COBL: variants seen among roughly 807,000 people sequenced by gnomAD.
The protein encoded by COBL is cordon-bleu WH2 repeat protein, also known as protein cordon-bleu.
COBL carries 51 observed loss-of-function variants against 98.8 expected under a neutral mutation model. The observed-to-expected ratio is 0.52, with a 90% CI of 0.41 to 0.65. The LOEUF is 0.65. COBL is among the 30% of genes least tolerant of loss of function. COBL has a pLI of 0.00. For synonymous variants in COBL, 634 were observed against 651.7 expected (o/e 0.97, Z 0.41); for missense variants, 1,617 against 1,617.5 (o/e 1.00, Z 0.01).
chr7:51,124,341 T>C (rs951589530), intron 6 of COBL, among the ~76,000 whole-genome samples: 2 of 151,926 alleles, frequency 1.3e-5, no homozygotes, highest in African/African-American at 4.8e-5. Flanking sequence ...CAATTGGAGA[T>C]TAGCAATCTC....
At chr7:51,200,239 C>T (rs1790990012) in intron 2 of COBL, among the ~76,000 whole-genome samples, 2 of 152,130 alleles carry the variant, frequency 1.3e-5, no homozygotes, top group Non-Finnish European at 2.9e-5. Context: ...CACCACTAGA[C>T]CTGCTAAAGT....
intron 2 of COBL, among the ~76,000 whole-genome samples, chr7:51,209,856 AC>A (rs1168493445): frequency 6.6e-6 from 1 of 152,162 alleles, no homozygotes; most frequent in African/African-American, 2.4e-5. Flanking sequence ...CAGTTGTCAA[AC>A]ACAAAAATTA....
chr7:51,091,742 T>C (rs1338349514), intron 6 of COBL, among the ~76,000 whole-genome samples: 1 of 152,132 alleles, frequency 6.6e-6, no homozygotes, highest in Non-Finnish European at 1.5e-5. Flanking sequence ...AAGCTATCAA[T>C]AGTCAAAGAC....
intron 2 of COBL, among the ~76,000 whole-genome samples, chr7:51,194,468 A>G (rs952003759): frequency 6.6e-6 from 1 of 152,186 alleles, no homozygotes; most frequent in African/African-American, 2.4e-5. Context: ...TCCTTTGGGT[A>G]TACACCCAGT....
chr7:51,085,863 G>C (rs557071800), intron 6 of COBL, among the ~76,000 whole-genome samples: 1 of 152,122 alleles, frequency 6.6e-6, no homozygotes, highest in Non-Finnish European at 1.5e-5. Context: ...ATCCAGAATC[G>C]CAATGAAGTT....
intron 1 of COBL, among the ~76,000 whole-genome samples, chr7:51,228,402 T>TA (rs5884197): frequency 0.41 from 61,013 of 148,404 alleles, 13,289 homozygotes; most frequent in Non-Finnish European, 0.5. Flanking sequence ...TCTTTTGGAT[T>TA]AAAAAAAAAA....
At chr7:51,083,100 C>G (rs977218463) in intron 7 of COBL, 2 of 1,399,202 alleles carry the variant, frequency 1.4e-6, no homozygotes, top group South Asian at 1.2e-5. Flanking sequence ...GCGCCTTCCC[C>G]GGGAAAGCTG....
intron 7 of COBL, chr7:51,082,912 C>A: frequency 1.4e-6 from 1 of 735,106 alleles, no homozygotes; most frequent in Non-Finnish European, 2.3e-6. Context: ...AGACACACTG[C>A]ATTCAGCATT....
chr7:51,275,805 G>A (rs1799263289), intron 1 of COBL, among the ~76,000 whole-genome samples: 1 of 152,184 alleles, frequency 6.6e-6, no homozygotes. Context: ...GAAAATCAAG[G>A]CCCCTGTCTC....
chr7:51,096,525 A>T (rs1177206452), intron 6 of COBL, among the ~76,000 whole-genome samples: 1 of 152,132 alleles, frequency 6.6e-6, no homozygotes, highest in Non-Finnish European at 1.5e-5. Context: ...AATAGAAAAT[A>T]GAAAAAGGAA....
intron 6 of COBL, among the ~76,000 whole-genome samples, chr7:51,098,565 A>G (rs1046463051): frequency 6.6e-6 from 1 of 152,216 alleles, no homozygotes; most frequent in Non-Finnish European, 1.5e-5. Context: ...TTCAAATACA[A>G]AAGAATGAAA....
intron 12 of COBL, among the ~76,000 whole-genome samples, chr7:51,020,365 C>T (rs771281536): frequency 2.0e-5 from 3 of 152,168 alleles, no homozygotes; most frequent in South Asian, 4.1e-4. Context: ...TAGCAGACCC[C>T]GCACCCCTGC....
At chr7:51,110,939 G>T (rs528419766) in intron 6 of COBL, among the ~76,000 whole-genome samples, 2 of 152,124 alleles carry the variant, frequency 1.3e-5, no homozygotes, top group African/African-American at 4.8e-5. Flanking sequence ...CTCATTGATC[G>T]ATGGGCATTT....
At chr7:51,234,345 C>G (rs1375775031) in intron 1 of COBL, among the ~76,000 whole-genome samples, 1 of 152,238 alleles carries the variant, frequency 6.6e-6, no homozygotes, top group Admixed American at 6.5e-5. Flanking sequence ...AGGCACAGCC[C>G]TGCCCGGCAA....
chr7:51,043,940 C>T (rs992703096), intron 7 of COBL, among the ~76,000 whole-genome samples: 3 of 152,196 alleles, frequency 2.0e-5, no homozygotes, highest in African/African-American at 7.2e-5. Flanking sequence ...TAGCCTTTTA[C>T]ATTGGTCTCC....
At chr7:51,082,347 C>T (rs1793741508) in intron 7 of COBL, among the ~76,000 whole-genome samples, 1 of 152,072 alleles carries the variant, frequency 6.6e-6, no homozygotes, top group Non-Finnish European at 1.5e-5. Flanking sequence ...AGCGCAGGCC[C>T]GACGTGCCCA....
rs1231045855 is a variant in COBL at position 51,316,744 on chromosome 7, C to A, written c.-111G>T. 3.9e-4 allele frequency: 339 copies of A among 873,662 alleles called. No homozygotes were observed. Among genetic ancestry groups the A allele is most frequent in the Non-Finnish European group, 4.7e-4 (314 of 672,398 alleles). The allele number at this position is 873,662 out of a possible 1,614,324, so 54.1% of individuals were successfully genotyped here. A position where few individuals can be genotyped will look rare whatever the true frequency, so the allele number is the denominator to read the frequency against. ...ACTTTTTCCGCGCTGACCCATCGTC[C>A]TCCCACGCGGGCCGGCGGAGGACAG... On this transcript the variant is annotated 5_prime_UTR_variant, in exon 1 of 13. It adds an upstream start codon to the 5' untranslated region. Coordinates refer to ENST00000265136, the MANE Select transcript of COBL (RefSeq NM_015198.5).
intron 1 of COBL, among the ~76,000 whole-genome samples, chr7:51,252,122 ATTATT>A (rs998837175): frequency 2.8e-4 from 42 of 151,948 alleles, no homozygotes; most frequent in African/African-American, 9.7e-4. Context: ...ACTGCATTTC[ATTATT>A]AGATCTCTTT....
chr7:51,138,914 G>A (rs1051778502), intron 5 of COBL, among the ~76,000 whole-genome samples: 3 of 152,040 alleles, frequency 2.0e-5, no homozygotes, highest in East Asian at 1.9e-4. Flanking sequence ...TCTTGTCCTC[G>A]GTCCTCACCA....
Sources: gnomAD v4.1 joint callset for allele counts (sites outside exome capture counted in the v4.1 genomes callset) on GRCh38, gnomAD v4.1.1 for gene constraint, MANE v1.5 for transcripts, NCBI Gene and HGNC (gene_info 2026-07-23, HGNC 2026-07-21) for gene names.